The following SCARA5 variants were observed in gnomAD, a reference collection of about 807,000 sequenced individuals.
SCARA5 encodes the protein scavenger receptor class A member 5.
Under a neutral mutation model 46.3 loss-of-function variants are expected in SCARA5, and 45 were observed. The ratio of observed to expected loss-of-function variants is 0.97; its 90% confidence interval spans 0.76 to 1.24. The LOEUF (loss-of-function observed/expected upper bound fraction) is 1.24. SCARA5 is among the 50% of genes most tolerant of loss of function. The pLI is 0.00. For synonymous variants in SCARA5, 333 were observed against 306.5 expected, an observed-to-expected ratio of 1.09 and a Z score of -0.90; for missense variants, 680 against 689.0, an observed-to-expected ratio of 0.99 and a Z score of 0.15.
At chr8:27,930,690 C>T (rs539152296) in intron 3 of SCARA5, among the ~76,000 whole-genome samples, 167 of 152,328 alleles carry the variant, frequency 1.1e-3, no homozygotes, top group African/African-American at 3.7e-3. Context: ...GCGTGAGCCA[C>T]CGCGCCCAGC....
intron 4 of SCARA5, among the ~76,000 whole-genome samples, chr8:27,916,714 A>T (rs1431439028): frequency 5.9e-5 from 9 of 152,170 alleles, no homozygotes; most frequent in Non-Finnish European, 1.5e-5. Flanking sequence ...AATAATTACC[A>T]GGCACCTGGC....
At chr8:27,979,143 C>A (rs1051907665) in intron 2 of SCARA5, among the ~76,000 whole-genome samples, 2 of 152,144 alleles carry the variant, frequency 1.3e-5, no homozygotes, top group Admixed American at 6.5e-5. Flanking sequence ...ACTGGCTATC[C>A]CTGGGCTCCC....
chr8:27,960,290 C>T (rs1181969227), intron 3 of SCARA5, among the ~76,000 whole-genome samples: 1 of 151,984 alleles, frequency 6.6e-6, no homozygotes, highest in African/African-American at 2.4e-5. Flanking sequence ...GATCCTCCTA[C>T]ATCAGCCTCC....
At chr8:27,912,036 C>T (rs545842144) in intron 4 of SCARA5, among the ~76,000 whole-genome samples, 2 of 152,230 alleles carry the variant, frequency 1.3e-5, no homozygotes, top group Admixed American at 1.3e-4. Flanking sequence ...AAGGGTCCTC[C>T]CACTGAGCTT....
chr8:27,937,861 A>C (rs1340061686), intron 3 of SCARA5, among the ~76,000 whole-genome samples: 1 of 152,124 alleles, frequency 6.6e-6, no homozygotes. Context: ...CACTGGTCAT[A>C]TCGGATCAGG....
At chr8:27,904,984 A>G (rs2129749999) in intron 6 of SCARA5, 150 bp from the exon 7 acceptor site, 1 of 690,778 alleles carries the variant, frequency 1.4e-6, no homozygotes, top group Non-Finnish European at 2.5e-6. Flanking sequence ...GCAGGAGAAG[A>G]GGGCAGCCAA....
chr8:27,925,795 A>AACAG (rs1289059893), intron 3 of SCARA5, among the ~76,000 whole-genome samples: 1 of 152,240 alleles, frequency 6.6e-6, no homozygotes, highest in East Asian at 1.9e-4. Flanking sequence ...AAAGGATATG[A>AACAG]ACAGACACTT....
At chr8:27,949,235 C>T (rs948909871) in intron 3 of SCARA5, among the ~76,000 whole-genome samples, 3 of 152,254 alleles carry the variant, frequency 2.0e-5, no homozygotes, top group African/African-American at 4.8e-5. Flanking sequence ...AGCCAGGTGG[C>T]AATCACAGGG....
intron 3 of SCARA5, among the ~76,000 whole-genome samples, chr8:27,923,369 A>AGGTCCAGGG (rs1292048477): frequency 1.3e-5 from 2 of 152,144 alleles, no homozygotes; most frequent in African/African-American, 4.8e-5. Flanking sequence ...TGTCTCCTGG[A>AGGTCCAGGG]GCTCCAGGGG....
In SCARA5 at chr8:27,987,506, T is replaced by C; in HGVS notation, c.110A>G (p.Asp37Gly). The C allele has an allele frequency of 6.2e-7, 1 of 1,610,274 alleles. No homozygotes were observed. The highest frequency in any genetic ancestry group is 8.5e-7 in the Non-Finnish European group (1 of 1,176,664). Residue 37 changes from aspartate (D) to glycine (G), a missense_variant and splice_region_variant, in exon 2 of 9, where the codon GAT (aspartate) becomes GGT (glycine). Asp to Gly is a moderately conservative substitution (Grantham distance 94, BLOSUM62 -1). Around this residue, in one of 3 missense-constraint regions of SCARA5, gnomAD observed 438 missense variants for 384.5 expected, o/e 1.14. Transcript: ENST00000354914. ...RSLSKLNLCE[D>G]GPCHKRRASI... ...AAGTCTGAGCCAGCTGCACTCACCA[T>C]CCTCACACAGGTTCAGCTTGGACAG...
chr8:27,900,010 C>T (rs1807124848), intron 7 of SCARA5, among the ~76,000 whole-genome samples: 1 of 152,082 alleles, frequency 6.6e-6, no homozygotes, highest in African/African-American at 2.4e-5. Context: ...TGATGGCATG[C>T]ACCTGTAATC....
intron 7 of SCARA5, among the ~76,000 whole-genome samples, chr8:27,882,471 G>T (rs1456991359): frequency 6.6e-6 from 1 of 152,204 alleles, no homozygotes; most frequent in Non-Finnish European, 1.5e-5. Flanking sequence ...AGCCTTGCCT[G>T]CTAGGGAGGA....
At chr8:27,954,432 T>C (rs948631871) in intron 3 of SCARA5, among the ~76,000 whole-genome samples, 5 of 152,228 alleles carry the variant, frequency 3.3e-5, no homozygotes, top group African/African-American at 1.2e-4. Context: ...CCCTTTGTAA[T>C]ATATGTTTGT....
chr8:27,895,803 T>C (rs1380243761), intron 7 of SCARA5, among the ~76,000 whole-genome samples: 1 of 152,212 alleles, frequency 6.6e-6, no homozygotes, highest in Admixed American at 6.5e-5. Context: ...TACTGGACTT[T>C]TAAAAACTGT....
At chr8:27,986,534 A>G (rs1808707533) in intron 2 of SCARA5, among the ~76,000 whole-genome samples, 1 of 152,130 alleles carries the variant, frequency 6.6e-6, no homozygotes, top group Non-Finnish European at 1.5e-5. Context: ...AAGAGCCACC[A>G]TGGTGGACAA....
At chr8:27,962,991 A>G (rs1808315022) in intron 3 of SCARA5, among the ~76,000 whole-genome samples, 1 of 151,514 alleles carries the variant, frequency 6.6e-6, no homozygotes, top group African/African-American at 2.4e-5. Context: ...TTCCCTAGGG[A>G]CTCTCCCTGT....
intron 4 of SCARA5, among the ~76,000 whole-genome samples, chr8:27,911,662 A>G (rs1807379419): frequency 6.6e-6 from 1 of 151,698 alleles, no homozygotes; most frequent in South Asian, 2.1e-4. Flanking sequence ...TTACACTCCA[A>G]CATGGGTGAC....
intron 7 of SCARA5, among the ~76,000 whole-genome samples, chr8:27,885,703 C>T (rs1290512279): frequency 6.6e-6 from 1 of 152,168 alleles, no homozygotes; most frequent in East Asian, 1.9e-4. Context: ...ATACTTGCTG[C>T]CTTCTCTACT....
chr8:27,926,554 C>T (rs1228897274), intron 3 of SCARA5, among the ~76,000 whole-genome samples: 2 of 151,920 alleles, frequency 1.3e-5, no homozygotes, highest in African/African-American at 4.8e-5. Context: ...CAAACCTGCA[C>T]GTTGTGCACA....
Sources: allele counts gnomAD v4.1 joint callset (sites outside exome capture counted in the v4.1 genomes callset), GRCh38; gene constraint gnomAD v4.1.1; regional missense constraint gnomAD v4.1.1; transcripts MANE v1.5; gene names NCBI Gene and HGNC (gene_info 2026-07-23, HGNC 2026-07-21).